The following HS2ST1 variants were observed in gnomAD, a reference collection of about 807,000 sequenced individuals.
HS2ST1 encodes the protein heparan sulfate 2-O-sulfotransferase 1.
In HS2ST1, 18 loss-of-function variants were observed where a neutral mutation model predicts 42.9. The observed-to-expected ratio is 0.42, with a 90% CI of 0.29 to 0.62. The LOEUF (loss-of-function observed/expected upper bound fraction) is 0.62. Among genes scored for constraint, HS2ST1 ranks in the 20% least tolerant of loss-of-function variants. The pLI, the probability that HS2ST1 is intolerant of heterozygous loss-of-function variation, is 0.21. For synonymous variants in HS2ST1, 146 were observed against 152.9 expected, an observed-to-expected ratio of 0.95 and a Z score of 0.33; for missense variants, 334 against 433.8, an observed-to-expected ratio of 0.77 and a Z score of 2.04.
rs60940882 is a variant in HS2ST1, at chr1:86,936,933, TA to T, written c.124+21795del. 2.3e-3 allele frequency among the ~76,000 whole-genome samples: 225 copies of T among 98,374 alleles called. 1 individual carries two copies. The highest frequency in any genetic ancestry group is 8.3e-3 in the East Asian group (29 of 3,514). The allele number at this position is 98,374 out of a possible 152,430, so 64.5% of individuals were successfully genotyped here. On this transcript the variant is annotated intron_variant, in intron 1 of 6. Coordinates refer to ENST00000370550, the MANE Select transcript of HS2ST1 (RefSeq NM_012262.4). ...CAACATGGTGAAACCCCGTCTCTAC[TA>T]AAAAAAAAAAAAAAAAAAAAATTAG...
intron 1 of HS2ST1, among the ~76,000 whole-genome samples, chr1:86,954,477 C>A (rs1252523498): frequency 1.3e-5 from 2 of 152,182 alleles, no homozygotes; most frequent in African/African-American, 4.8e-5. Flanking sequence ...AATAACTTAT[C>A]CATGCTCAAT....
chr1:87,084,483 AC>A (rs1295772870), intron 3 of HS2ST1, among the ~76,000 whole-genome samples: 1 of 152,134 alleles, frequency 6.6e-6, no homozygotes, highest in Non-Finnish European at 1.5e-5. Flanking sequence ...TATATTAATT[AC>A]ATATTAGTTA....
In HS2ST1 at chr1:87,107,906, A is replaced by G. The variant is rs528815749; in HGVS notation, c.*3210A>G. ...ATCCATATGCATTTGTGCAACTTCA[A>G]ACATATTGGGTGCTTCTGAATTCCT... is the stretch of plus-strand genomic sequence containing the variant. On this transcript the variant is annotated 3_prime_UTR_variant, in exon 7 of 7. Transcript: ENST00000370550. 2 of 152,188 alleles carry G rather than the reference A, an allele frequency of 1.3e-5. No homozygotes were observed. Among genetic ancestry groups the G allele is most frequent in the East Asian group, 3.9e-4 (2 of 5,180 alleles). The allele number at this position is 152,188 out of a possible 1,614,324, so 9.4% of individuals were successfully genotyped here.
chr1:86,945,534 C>G (rs528887235), intron 1 of HS2ST1, among the ~76,000 whole-genome samples: 55 of 147,404 alleles, frequency 3.7e-4, no homozygotes, highest in Admixed American at 9.7e-4. Flanking sequence ...TTCCGCATCT[C>G]TTTTAAAATA....
At chr1:86,941,416 C>T (rs1022818445) in intron 1 of HS2ST1, among the ~76,000 whole-genome samples, 1 of 151,972 alleles carries the variant, frequency 6.6e-6, no homozygotes, top group Non-Finnish European at 1.5e-5. Flanking sequence ...ATTTACTTAA[C>T]CATAAATCTG....
chr1:86,939,113 T>C (rs1660714272), intron 1 of HS2ST1, among the ~76,000 whole-genome samples: 1 of 152,196 alleles, frequency 6.6e-6, no homozygotes, highest in Admixed American at 6.5e-5. Flanking sequence ...TGAGGTTACT[T>C]TCAGTCTTGT....
intron 1 of HS2ST1, among the ~76,000 whole-genome samples, chr1:87,053,496 C>T (rs1189374535): frequency 6.6e-6 from 1 of 151,954 alleles, no homozygotes; most frequent in African/African-American, 2.4e-5. Context: ...TAATGTCTTC[C>T]TGAATAATTT....
At chr1:87,086,599 G>A (rs1312782033) in intron 3 of HS2ST1, among the ~76,000 whole-genome samples, 1 of 151,902 alleles carries the variant, frequency 6.6e-6, no homozygotes, top group Non-Finnish European at 1.5e-5. Flanking sequence ...ATAAGATAGA[G>A]AAATAAAAAA....
At position 87,104,452 on chromosome 1, in the gene HS2ST1, T is replaced by A. The variant is rs367861282; in HGVS notation, c.845-18T>A. ...CAAGAATTATTTACCTTTCCTTTTTTTCCCCCTTTGTAAGTAGGAAAGAAA... is the reference window on the plus strand; with the variant it reads ...CAAGAATTATTTACCTTTCCTTTTTATCCCCCTTTGTAAGTAGGAAAGAAA... On this transcript the variant is annotated intron_variant, in intron 6 of 6. Transcript: ENST00000370550. 3.3e-6 allele frequency: 5 copies of A among 1,504,786 alleles called. No individual in the cohort carries two copies. In the African/African-American group the frequency reaches 7.0e-5, roughly 21 times the overall value. 93.2% of individuals were successfully genotyped at this position (1,504,786 alleles called of 1,614,324 possible).
intron 1 of HS2ST1, among the ~76,000 whole-genome samples, chr1:87,006,938 T>C (rs1290871063): frequency 6.6e-6 from 1 of 152,112 alleles, no homozygotes; most frequent in African/African-American, 2.4e-5. Context: ...GCTAGTACTT[T>C]TTTTCTCTAC....
rs1652113253 is a variant in HS2ST1 at position 87,098,093 on chromosome 1, T to G, written c.686+158T>G. On this transcript the variant is annotated intron_variant, in intron 5 of 6. Coordinates refer to ENST00000370550, the MANE Select transcript of HS2ST1 (RefSeq NM_012262.4). Reference sequence around the variant, plus strand: ...ATCTAGTTTTGCAGTTACTTTTAAATGCATTTAAAAGATTCCTCATGTAGA... The same window carrying G: ...ATCTAGTTTTGCAGTTACTTTTAAAGGCATTTAAAAGATTCCTCATGTAGA... 2.1e-6 allele frequency: 3 copies of G among 1,418,014 alleles called. No individual in the cohort carries two copies. In the African/African-American group the frequency reaches 4.3e-5, roughly 21 times the overall value. The allele number at this position is 1,418,014 out of a possible 1,614,324, so 87.8% of individuals were successfully genotyped here. A position where few individuals can be genotyped will look rare whatever the true frequency, so the allele number is the denominator to read the frequency against.
chr1:87,088,131 G>A (rs1651855437), intron 3 of HS2ST1, among the ~76,000 whole-genome samples: 1 of 151,950 alleles, frequency 6.6e-6, no homozygotes, highest in Non-Finnish European at 1.5e-5. Flanking sequence ...GTCTTAACTG[G>A]TGTTTTCTTC....
intron 1 of HS2ST1, among the ~76,000 whole-genome samples, chr1:86,947,899 A>G (rs1647386716): frequency 6.6e-6 from 1 of 152,166 alleles, no homozygotes; most frequent in African/African-American, 2.4e-5. Flanking sequence ...ACATCCCAAG[A>G]AGAAGAGCAA....
intron 1 of HS2ST1, among the ~76,000 whole-genome samples, chr1:86,964,653 G>A (rs574208085): frequency 1.3e-5 from 2 of 152,270 alleles, no homozygotes; most frequent in African/African-American, 2.4e-5. Flanking sequence ...CGTGGGGAGA[G>A]GGAGAGGGAG....
At position 87,108,498 on chromosome 1, in the gene HS2ST1, C is replaced by CTTTG. The variant is rs1233559975; in HGVS notation, c.*3802_*3803insTTTG. 4 of 152,040 alleles carry CTTTG rather than the reference C, an allele frequency of 2.6e-5. No homozygotes were observed. Among genetic ancestry groups the CTTTG allele is most frequent in the African/African-American group, 9.7e-5 (4 of 41,414 alleles). 9.4% of individuals were successfully genotyped at this position (152,040 alleles called of 1,614,324 possible). On this transcript the variant is annotated 3_prime_UTR_variant, in exon 7 of 7. Transcript: ENST00000370550. ...GCTGTTATGTTTTTGCATCCGTTTA[C>CTTTG]CCTATGCAAAGTTGCTGTATGATGC...
chr1:87,076,011 A>T (rs1349245750), intron 2 of HS2ST1, among the ~76,000 whole-genome samples: 1 of 152,220 alleles, frequency 6.6e-6, no homozygotes, highest in African/African-American at 2.4e-5. Flanking sequence ...TTGGGAACAT[A>T]AAACATAAAC....
At chr1:86,988,244 T>G (rs545493151) in intron 1 of HS2ST1, among the ~76,000 whole-genome samples, 43 of 152,360 alleles carry the variant, frequency 2.8e-4, no homozygotes, top group African/African-American at 1.0e-3. Flanking sequence ...AAGCCACCAC[T>G]GAGCCCAGAA....
intron 1 of HS2ST1, among the ~76,000 whole-genome samples, chr1:86,962,080 G>A (rs1163251549): frequency 6.6e-6 from 1 of 151,894 alleles, no homozygotes; most frequent in African/African-American, 2.4e-5. Flanking sequence ...CTAGTTTAAT[G>A]TATTGCAATA....
intron 1 of HS2ST1, among the ~76,000 whole-genome samples, chr1:86,959,219 T>C (rs1022112915): frequency 1.3e-5 from 2 of 152,214 alleles, no homozygotes; most frequent in African/African-American, 2.4e-5. Flanking sequence ...AGCATCATCC[T>C]GGAAGTCCTG....
Sources: gnomAD v4.1 joint callset for allele counts (sites outside exome capture counted in the v4.1 genomes callset) on GRCh38, gnomAD v4.1.1 for gene constraint, MANE v1.5 for transcripts, NCBI Gene and HGNC (gene_info 2026-07-23, HGNC 2026-07-21) for gene names.